PTBP2: variants seen among roughly 807,000 people sequenced by gnomAD.
PTBP2 encodes the protein polypyrimidine tract binding protein 2.
Under a neutral mutation model 61.4 loss-of-function variants are expected in PTBP2, and 13 were observed. The ratio of observed to expected loss-of-function variants is 0.21; its 90% CI spans 0.14 to 0.34. PTBP2 has a LOEUF of 0.34. PTBP2 is among the 10% of genes least tolerant of loss of function. The probability of loss-of-function intolerance (pLI) is 1.00; values close to 1 mark genes in which losing one functional copy is unlikely to be tolerated. For missense variants in PTBP2, 405 were observed against 642.6 expected, an observed-to-expected ratio of 0.63 and a Z score of 4.00; for synonymous variants, 215 against 218.5, an observed-to-expected ratio of 0.98 and a Z score of 0.14.
At position 96,812,780 on chromosome 1, in the gene PTBP2, A is replaced by G. The variant is rs746925629; in HGVS notation, c.1240A>G (p.Thr414Ala). The G allele has an allele frequency of 5.0e-6, 8 of 1,611,314 alleles. No individual in the cohort carries two copies. The highest frequency in any genetic ancestry group is 1.3e-5 in the African/African-American group (1 of 74,986). ...TCGTGTTACTCTGTCTAAACATCAG[A>G]CTGTACAGCTACCTCGAGAGGGACT... ...IIRVTLSKHQ[T>A]VQLPREGLDD... Residue 414 changes from threonine to alanine, a missense_variant, in exon 12 of 14, where the codon ACT (threonine) becomes GCT (alanine). Thr to Ala is a moderately conservative substitution (Grantham distance 58). Coordinates refer to ENST00000674951, the MANE Select transcript of PTBP2 (RefSeq NM_021190.4).
chr1:96,726,905 T>A (rs1008968793), intron 2 of PTBP2, among the ~76,000 whole-genome samples: 14 of 152,146 alleles, frequency 9.2e-5, no homozygotes, highest in Non-Finnish European at 1.6e-4. Flanking sequence ...TTAAAAAAAA[T>A]AGCTTTATTG....
At chr1:96,793,940 A>G (rs1441106890) in intron 8 of PTBP2, among the ~76,000 whole-genome samples, 10 of 152,304 alleles carry the variant, frequency 6.6e-5, no homozygotes, top group Admixed American at 3.9e-4. Context: ...AGCATTTTCA[A>G]TGAAATAAGC....
chr1:96,804,224 G>A (rs1354734896), intron 8 of PTBP2, among the ~76,000 whole-genome samples: 1 of 152,150 alleles, frequency 6.6e-6, no homozygotes, highest in Non-Finnish European at 1.5e-5. Flanking sequence ...AATTACTTGA[G>A]TGTATAATTA....
rs140177573 is a variant in PTBP2, at chr1:96,791,663, T to G, written c.904+6409T>G. ...GATCATTGGTATTGGTAGAAGGGAT[T>G]CGCTATGTTTTCTGCCACCATTGGA... On this transcript the variant is annotated intron_variant, in intron 8 of 13. Coordinates refer to ENST00000674951, the MANE Select transcript of PTBP2 (RefSeq NM_021190.4). Among the ~76,000 whole-genome samples, 5 of 152,196 alleles carry G rather than the reference T, an allele frequency of 3.3e-5. No homozygotes were observed. The East Asian group carries it at 9.6e-4, about 29-fold the overall frequency.
At chr1:96,813,249 T>C (rs761194656) in intron 13 of PTBP2, 27 bp from the exon 14 acceptor site, 1 of 1,579,220 alleles carries the variant, frequency 6.3e-7, no homozygotes. Context: ...GTATGAAGTG[T>C]CTAATTTTAT....
At chr1:96,727,304 A>G (rs1650710228) in intron 2 of PTBP2, among the ~76,000 whole-genome samples, 1 of 152,106 alleles carries the variant, frequency 6.6e-6, no homozygotes, top group Non-Finnish European at 1.5e-5. Context: ...TCAAGTCTTG[A>G]GGGACATTTG....
Position 96,746,029 on chromosome 1 carries a change from A to G in PTBP2, c.40-5396A>G, listed in dbSNP as rs1168446837. On this transcript the variant is annotated intron_variant, in intron 2 of 13. Coordinates refer to ENST00000674951, the MANE Select transcript of PTBP2 (RefSeq NM_021190.4). ...TGCAGTGAGCTGAGACCGCGCCATT[A>G]CACTCCAGCCTGTGTGACAGACTGA... Among the ~76,000 whole-genome samples, 5 of 151,456 alleles carry G rather than the reference A, an allele frequency of 3.3e-5. No individual in the cohort carries two copies. In the East Asian group the frequency reaches 5.8e-4, roughly 18 times the overall value.
downstream of PTBP2, chr1:96,816,811 C>A (rs1310104753): frequency 2.6e-5 from 4 of 152,108 alleles, no homozygotes; most frequent in African/African-American, 9.7e-5. Context: ...GCTCCCCTCA[C>A]AGGATTATTA....
Position 96,771,000 on chromosome 1 carries a change from A to G in PTBP2, c.432+149A>G, listed in dbSNP as rs929479879. On this transcript the variant is annotated intron_variant, in intron 5 of 13. Transcript: ENST00000674951. Reference sequence around the variant, plus strand: ...AGGTATTTTCATGCAGAATGTTTCTAAGTATTAAATACTATGTCATTTTGA... The same window carrying G: ...AGGTATTTTCATGCAGAATGTTTCTGAGTATTAAATACTATGTCATTTTGA... 9.4e-6 allele frequency: 6 copies of G among 641,668 alleles called. No homozygotes were observed. The South Asian group carries it at 1.1e-4, about 12-fold the overall frequency. The allele number at this position is 641,668 out of a possible 1,614,324, so 39.7% of individuals were successfully genotyped here. A position where few individuals can be genotyped will look rare whatever the true frequency, so the allele number is the denominator to read the frequency against.
exon 14 of PTBP2, chr1:96,821,803 A>G (rs940345227): frequency 1.1e-4 from 17 of 151,826 alleles, no homozygotes; most frequent in African/African-American, 4.1e-4. Context: ...TAATTTTTGT[A>G]TTTTTAGTAG....
At chr1:96,723,872 C>T (rs1033918046) in intron 2 of PTBP2, among the ~76,000 whole-genome samples, 3 of 152,128 alleles carry the variant, frequency 2.0e-5, no homozygotes, top group Non-Finnish European at 4.4e-5. Flanking sequence ...TAAAACGATA[C>T]CCCAATTTTC....
intron 2 of PTBP2, among the ~76,000 whole-genome samples, chr1:96,732,775 G>T (rs10875032): frequency 0.56 from 85,427 of 151,928 alleles, 24,374 homozygotes; most frequent in East Asian, 0.65. Flanking sequence ...GTTGAGAGAA[G>T]GACGTAACCA....
chr1:96,739,666 G>A (rs1482878519), intron 2 of PTBP2, among the ~76,000 whole-genome samples: 1 of 123,928 alleles, frequency 8.1e-6, no homozygotes, highest in Non-Finnish European at 1.6e-5. Context: ...TTACTCTGTC[G>A]CCCAGGCTGG....
chr1:96,745,552 G>A (rs1485012216), intron 2 of PTBP2, among the ~76,000 whole-genome samples: 1 of 152,044 alleles, frequency 6.6e-6, no homozygotes, highest in Non-Finnish European at 1.5e-5. Context: ...GATTTTTCAT[G>A]TAAATGACAA....
At chr1:96,761,311 G>A (rs891767988) in intron 3 of PTBP2, among the ~76,000 whole-genome samples, 2 of 151,630 alleles carry the variant, frequency 1.3e-5, no homozygotes, top group African/African-American at 4.9e-5. Flanking sequence ...ATGACTAGGT[G>A]AGTCCATGTA....
Position 96,722,018 on chromosome 1 carries a change from C to T in PTBP2, c.8+146C>T, listed in dbSNP as rs1056383926. ...CAACCCCCGCCCCATCGCACACACCCCTCCCTTTGCTTCCCCCGGCGGGCT... is the reference window on the plus strand; with the variant it reads ...CAACCCCCGCCCCATCGCACACACCTCTCCCTTTGCTTCCCCCGGCGGGCT... On this transcript the variant is annotated intron_variant, in intron 1 of 13. Transcript: ENST00000674951. 3.8e-6 allele frequency: 4 copies of T among 1,059,622 alleles called. No individual in the cohort carries two copies. In the African/African-American group the frequency reaches 4.9e-5, roughly 13 times the overall value. 65.6% of individuals were successfully genotyped at this position (1,059,622 alleles called of 1,614,324 possible). A position where few individuals can be genotyped will look rare whatever the true frequency, so the allele number is the denominator to read the frequency against.
chr1:96,804,305 G>T (rs1382658242), intron 8 of PTBP2, among the ~76,000 whole-genome samples: 1 of 152,146 alleles, frequency 6.6e-6, no homozygotes, highest in Non-Finnish European at 1.5e-5. Flanking sequence ...AGAGTGATTT[G>T]TCTCTAGGAG....
chr1:96,745,270 C>G (rs998404736), intron 2 of PTBP2, among the ~76,000 whole-genome samples: 1 of 152,016 alleles, frequency 6.6e-6, no homozygotes, highest in Non-Finnish European at 1.5e-5. Flanking sequence ...TCACCCCATT[C>G]TCCTGCCTCA....
chr1:96,741,428 T>G (rs1653005071), intron 2 of PTBP2, among the ~76,000 whole-genome samples: 1 of 152,074 alleles, frequency 6.6e-6, no homozygotes, highest in South Asian at 2.1e-4. Context: ...GCCCAGCTAA[T>G]TTTTCAATTT....
Sources: gnomAD v4.1 joint callset for allele counts (sites outside exome capture counted in the v4.1 genomes callset) on GRCh38, gnomAD v4.1.1 for gene constraint, MANE v1.5 for transcripts, NCBI Gene and HGNC (gene_info 2026-07-23, HGNC 2026-07-21) for gene names.